The following SNAP47 variants were observed in gnomAD, a reference collection of about 807,000 sequenced individuals.
The protein encoded by SNAP47 is synaptosomal-associated protein 47.
SNAP47 carries 20 observed loss-of-function variants against 31.4 expected under a neutral mutation model. That is an observed-to-expected ratio of 0.64 (90% CI 0.45 to 0.93). The LOEUF is 0.93. SNAP47 is among the 40% of genes least tolerant of loss of function. SNAP47 has a pLI of 0.00. For synonymous variants in SNAP47, 194 were observed against 213.4 expected, an observed-to-expected ratio of 0.91 and a Z score of 0.79; for missense variants, 492 against 528.5, an observed-to-expected ratio of 0.93 and a Z score of 0.68.
chr1:227,733,628 C>T (rs770344667), upstream of SNAP47: 8 of 1,603,108 alleles, frequency 5.0e-6, no homozygotes, highest in Non-Finnish European at 6.8e-6. Flanking sequence ...CTTCCTCCCA[C>T]AGACATTGAC....
upstream of SNAP47, chr1:227,731,413 C>G (rs917711786): frequency 6.6e-6 from 1 of 152,252 alleles, no homozygotes; most frequent in African/African-American, 2.4e-5. Context: ...GATGCCTCCT[C>G]CCCTGCTGGG....
intron 4 of SNAP47, chr1:227,775,881 G>A: frequency 7.7e-7 from 1 of 1,303,624 alleles, no homozygotes; most frequent in Non-Finnish European, 1.0e-6. Flanking sequence ...GACTTTCCTA[G>A]CAGGGCAGCA....
At chr1:227,739,516 C>A (rs1007073585) in intron 1 of SNAP47, among the ~76,000 whole-genome samples, 2 of 152,156 alleles carry the variant, frequency 1.3e-5, no homozygotes, top group Admixed American at 6.5e-5. Context: ...AAAGATTGGC[C>A]GCACCCTACC....
At chr1:227,742,806 TGAG>T (rs941031642) in intron 1 of SNAP47, among the ~76,000 whole-genome samples, 1 of 152,226 alleles carries the variant, frequency 6.6e-6, no homozygotes, top group African/African-American at 2.4e-5. Context: ...TGCCTGACTT[TGAG>T]GAGCATGACT....
chr1:227,733,733 T>C, upstream of SNAP47: 1 of 1,597,406 alleles, frequency 6.3e-7, no homozygotes, highest in Non-Finnish European at 8.5e-7. Flanking sequence ...GTATGGGCTT[T>C]GCTTGGCACC....
chr1:227,755,187 T>C (rs1261386263), intron 2 of SNAP47, among the ~76,000 whole-genome samples: 1 of 151,996 alleles, frequency 6.6e-6, no homozygotes, highest in East Asian at 1.9e-4. Flanking sequence ...GACACTCCTT[T>C]CAGTTGATTC....
At chr1:227,728,344 G>A (rs1350638044), upstream of SNAP47, among the ~76,000 whole-genome samples, 1 of 151,994 alleles carries the variant, frequency 6.6e-6, no homozygotes, top group South Asian at 2.1e-4. Context: ...GCTTGCCACC[G>A]GAGCGGGGGG....
Position 227,743,366 on chromosome 1 carries a change from G to A in SNAP47, c.-45-4326G>A, listed in dbSNP as rs532219016. On this transcript the variant is annotated intron_variant, in intron 1 of 4. Coordinates refer to ENST00000617596, the MANE Select transcript of SNAP47 (RefSeq NM_053052.4). ...GGAGAGTGCGAGGTGCTTTGTGTTT[G>A]TTGATGTTGGGGTTCCCTGCAGTCT... Among the ~76,000 whole-genome samples the A allele has an allele frequency of 7.9e-4, 121 of 152,298 alleles. 1 individual carries two copies. Among genetic ancestry groups the A allele is most frequent in the Admixed American group, 7.8e-3 (119 of 15,304 alleles).
upstream of SNAP47, chr1:227,734,541 G>T: frequency 2.0e-6 from 2 of 983,786 alleles, no homozygotes; most frequent in Non-Finnish European, 1.5e-6. Context: ...AGTGCCTCAC[G>T]GGGAAAAATA....
At chr1:227,771,928 G>A (rs1475892351) in intron 4 of SNAP47, among the ~76,000 whole-genome samples, 1 of 152,110 alleles carries the variant, frequency 6.6e-6, no homozygotes, top group African/African-American at 2.4e-5. Context: ...CTGTGCTGAG[G>A]GCCGGAGGCC....
upstream of SNAP47, chr1:227,734,833 G>A (rs1660961865): frequency 4.3e-6 from 7 of 1,612,978 alleles, no homozygotes; most frequent in South Asian, 7.7e-5. Context: ...TGAAAGGCAC[G>A]GTCCATGCCA....
upstream of SNAP47, among the ~76,000 whole-genome samples, chr1:227,728,198 C>G (rs1022911851): frequency 6.6e-6 from 1 of 152,214 alleles, no homozygotes; most frequent in African/African-American, 2.4e-5. Context: ...CACCTCCGGG[C>G]TAGGAGGTTT....
chr1:227,734,580 C>T (rs1660933065), upstream of SNAP47: 3 of 1,497,376 alleles, frequency 2.0e-6, no homozygotes, highest in Admixed American at 5.3e-5. Context: ...GGGCCACCTT[C>T]ATCAGAAAGG....
chr1:227,761,980 C>T (rs546735296), intron 3 of SNAP47, among the ~76,000 whole-genome samples: 3 of 152,178 alleles, frequency 2.0e-5, no homozygotes, highest in Non-Finnish European at 2.9e-5. Context: ...GGACTGATGG[C>T]GTCACCCTCC....
chr1:227,732,633 T>A, upstream of SNAP47: 14 of 1,613,420 alleles, frequency 8.7e-6, no homozygotes, highest in Non-Finnish European at 1.2e-5. Context: ...GAGGAAGTGG[T>A]AAAACTCTTC....
At chr1:227,732,205 T>C, upstream of SNAP47, 1 of 653,588 alleles carries the variant, frequency 1.5e-6, no homozygotes, top group Non-Finnish European at 2.7e-6. Context: ...ACATCCCATC[T>C]TGGGTCCCTG....
chr1:227,758,980 T>G lies in SNAP47; in HGVS notation c.498-15T>G. The G allele has an allele frequency of 6.4e-7, 1 of 1,561,978 alleles. No homozygotes were observed. Among genetic ancestry groups the G allele is most frequent in the Non-Finnish European group, 8.6e-7 (1 of 1,158,242 alleles). On this transcript the variant is annotated splice_polypyrimidine_tract_variant and intron_variant, in intron 2 of 4. Transcript: ENST00000617596. ...TGAACTGATCCAGTTTTCCATGTTTTGTTTGCTTTTTCAGATTGCTGACAG... is the reference window on the plus strand; with the variant it reads ...TGAACTGATCCAGTTTTCCATGTTTGGTTTGCTTTTTCAGATTGCTGACAG...
chr1:227,762,331 G>T lies in SNAP47; in HGVS notation c.988+2846G>T, dbSNP rs1355721895. On this transcript the variant is annotated intron_variant, in intron 3 of 4. Transcript: ENST00000617596. The surrounding 1 kb of genome is among the most constrained non-coding windows in gnomAD (Gnocchi z 4.2). ...AGAGGCTCCATGCAGGGGTTGGAGC[G>T]TGTGGTGCCCTGCCTGGTGCTATGT... is the stretch of plus-strand genomic sequence containing the variant. 6.6e-6 allele frequency among the ~76,000 whole-genome samples: 1 copy of T among 152,218 alleles called. No homozygotes were observed. The highest frequency in any genetic ancestry group is 2.4e-5 in the African/African-American group (1 of 41,454).
upstream of SNAP47, chr1:227,732,614 G>A (rs749917670): frequency 1.2e-5 from 19 of 1,613,544 alleles, no homozygotes; most frequent in Admixed American, 1.0e-4. Context: ...TCTTCTCAGC[G>A]ATGACCTTGA....
Sources: gnomAD v4.1 joint callset for allele counts (sites outside exome capture counted in the v4.1 genomes callset) on GRCh38, gnomAD v4.1.1 for gene constraint, Gnocchi (gnomAD v3.1) non-coding constraint, MANE v1.5 for transcripts, NCBI Gene and HGNC (gene_info 2026-07-23, HGNC 2026-07-21) for gene names.